Variants in HIPK3 observed in about 807,000 individuals in gnomAD.
The protein encoded by HIPK3 is homeodomain-interacting protein kinase 3.
HIPK3 carries 47 observed loss-of-function variants against 124.2 expected under a neutral mutation model. That is an observed-to-expected ratio of 0.38 (90% CI 0.30 to 0.48). The LOEUF is 0.48. Ranked by LOEUF, HIPK3 falls within the 20% of genes least tolerant of loss-of-function variation. HIPK3 has a pLI of 0.98. For synonymous variants in HIPK3, 482 were observed against 515.2 expected (o/e 0.94, Z 0.87); for missense variants, 1,286 against 1,454.3 (o/e 0.88, Z 1.88).
chr11:33,297,091 ATTTTTTT>A (rs34751907), intron 2 of HIPK3, among the ~76,000 whole-genome samples: 1 of 136,482 alleles, frequency 7.3e-6, no homozygotes, highest in African/African-American at 2.7e-5. Context: ...TATGGAAAAG[ATTTTTTT>A]TTTTTTTTTT....
chr11:33,306,693 G>A (rs966707604), intron 2 of HIPK3, among the ~76,000 whole-genome samples: 2 of 152,144 alleles, frequency 1.3e-5, no homozygotes, highest in African/African-American at 2.4e-5. Flanking sequence ...TGTTGTGAAG[G>A]TTAAACTCCA....
At chr11:33,299,494 G>A (rs760244822) in intron 2 of HIPK3, among the ~76,000 whole-genome samples, 31 of 151,718 alleles carry the variant, frequency 2.0e-4, no homozygotes, top group Non-Finnish European at 3.8e-4. Flanking sequence ...AAAAGAAAGT[G>A]GTTTCTTGAG....
At chr11:33,341,755 T>C in intron 8 of HIPK3, 69 bp downstream of exon 8, 1 of 1,385,358 alleles carries the variant, frequency 7.2e-7, no homozygotes, top group Admixed American at 2.0e-5. Flanking sequence ...TAGGAATCTG[T>C]TCATTAAATA....
At chr11:33,273,512 CAAAAAA>C (rs398015727) in intron 1 of HIPK3, among the ~76,000 whole-genome samples, 2 of 48,042 alleles carry the variant, frequency 4.2e-5, no homozygotes, top group Non-Finnish European at 6.7e-5. Context: ...TCTGTCTCCA[CAAAAAA>C]AAAAAAAAAA....
At chr11:33,344,770 A>G (rs1252286838) in intron 8 of HIPK3, among the ~76,000 whole-genome samples, 2 of 152,194 alleles carry the variant, frequency 1.3e-5, no homozygotes, top group South Asian at 2.1e-4. Context: ...CTCTGTAAGT[A>G]TGTTGTTTCT....
intron 4 of HIPK3, among the ~76,000 whole-genome samples, chr11:33,338,383 G>A (rs1414534944): frequency 6.6e-6 from 1 of 152,098 alleles, no homozygotes; most frequent in South Asian, 2.1e-4. Flanking sequence ...ACAGGCATGC[G>A]CCACCACACG....
At position 33,283,708 on chromosome 11, in the gene HIPK3, T is replaced by A. The variant is rs1275363831; in HGVS notation, c.-2-2705T>A. On this transcript the variant is annotated intron_variant, in intron 1 of 16. Coordinates refer to ENST00000303296, the MANE Select transcript of HIPK3 (RefSeq NM_005734.5). ...TTTTCTTTTGGAGACGGAGCCTCGC[T>A]CTGTTGCCCAGGCTGAAGTACAGTG... Among the ~76,000 whole-genome samples the A allele has an allele frequency of 2.0e-5, 3 of 151,566 alleles. No individual in the cohort carries two copies. The East Asian group carries it at 5.8e-4, about 29-fold the overall frequency.
chr11:33,337,052 C>G (rs776095224), intron 3 of HIPK3, 23 bp from the exon 4 acceptor site: 3 of 1,565,272 alleles, frequency 1.9e-6, no homozygotes, highest in East Asian at 4.5e-5. Flanking sequence ...ATAAACTATT[C>G]TGTTCTGTAA....
chr11:33,334,041 G>T (rs1853065602), intron 3 of HIPK3, among the ~76,000 whole-genome samples: 1 of 152,104 alleles, frequency 6.6e-6, no homozygotes, highest in South Asian at 2.1e-4. Context: ...GGGAGGTGGG[G>T]AGAAAGAACA....
chr11:33,354,732 A>G lies in HIPK3; in HGVS notation c.*1164A>G, dbSNP rs1331196843. The G allele has an allele frequency of 6.7e-6, 1 of 149,082 alleles. No homozygotes were observed. The highest frequency in any genetic ancestry group is 1.5e-5 in the Non-Finnish European group (1 of 67,336). 9.2% of individuals were successfully genotyped at this position (149,082 alleles called of 1,614,324 possible). On this transcript the variant is annotated 3_prime_UTR_variant, in exon 17 of 17. Transcript: ENST00000303296. ...TTTTTTTTAAGTATTTTTACATTGCAGTACTTGTTTTGCTTGTTGGTGATG... is the reference window on the plus strand; with the variant it reads ...TTTTTTTTAAGTATTTTTACATTGCGGTACTTGTTTTGCTTGTTGGTGATG...
intron 4 of HIPK3, among the ~76,000 whole-genome samples, chr11:33,338,165 T>G (rs1050485096): frequency 2.0e-5 from 3 of 152,246 alleles, no homozygotes; most frequent in African/African-American, 7.2e-5. Flanking sequence ...ACTTACTACA[T>G]ATCCCAAGTG....
intron 2 of HIPK3, among the ~76,000 whole-genome samples, chr11:33,319,444 C>T (rs1201510088): frequency 1.5e-4 from 22 of 149,930 alleles, no homozygotes; most frequent in Non-Finnish European, 4.4e-5. Flanking sequence ...TGCAGTGAGC[C>T]GAGATTGTGC....
At chr11:33,346,062 G>A (rs1157517327) in intron 8 of HIPK3, among the ~76,000 whole-genome samples, 1 of 152,144 alleles carries the variant, frequency 6.6e-6, no homozygotes, top group Non-Finnish European at 1.5e-5. Flanking sequence ...CTGGAATTAT[G>A]AAGTGCTGAA....
intron 1 of HIPK3, 98 bp from the exon 2 acceptor site, chr11:33,286,315 A>G (rs907994269): frequency 4.5e-5 from 49 of 1,087,778 alleles, no homozygotes; most frequent in Admixed American, 6.7e-5. Context: ...GACCCTTAAG[A>G]GTTTTCTTCC....
At chr11:33,283,480 T>G (rs1851466286) in intron 1 of HIPK3, among the ~76,000 whole-genome samples, 1 of 152,062 alleles carries the variant, frequency 6.6e-6, no homozygotes, top group African/African-American at 2.4e-5. Flanking sequence ...TCTAGTAAGG[T>G]TTTGTAGCAG....
chr11:33,329,517 A>G (rs991239540), intron 3 of HIPK3, among the ~76,000 whole-genome samples: 2 of 152,214 alleles, frequency 1.3e-5, no homozygotes, highest in African/African-American at 4.8e-5. Flanking sequence ...TCAAGAGGAA[A>G]AAGAGAGGTA....
chr11:33,281,058 CTTTTTTTTTT>C (rs56902582), intron 1 of HIPK3, among the ~76,000 whole-genome samples: 32,815 of 112,006 alleles, frequency 0.29, 5,160 homozygotes, highest in Middle Eastern at 0.45. Context: ...ACTTATTTGA[CTTTTTTTTTT>C]TTTTTTTTTT....
chr11:33,300,762 TCTCA>T (rs1480169538), intron 2 of HIPK3, among the ~76,000 whole-genome samples: 8 of 152,046 alleles, frequency 5.3e-5, no homozygotes, highest in African/African-American at 9.7e-5. Context: ...TTTTTGAGAG[TCTCA>T]CTCAGTCACC....
rs537151356 is a variant in HIPK3, at chr11:33,292,018, C to T, written c.1097+4507C>T. Among the ~76,000 whole-genome samples the T allele has an allele frequency of 7.2e-5, 11 of 152,280 alleles. No homozygotes were observed. The East Asian group carries it at 1.9e-3, about 27-fold the overall frequency. ...CTTAGATCCAGAAGTATCAAAGTTT[C>T]TGTAACAAAATTAAGCTACATAGGA... On this transcript the variant is annotated intron_variant, in intron 2 of 16. Transcript: ENST00000303296.
Sources: allele counts gnomAD v4.1 joint callset (sites outside exome capture counted in the v4.1 genomes callset), GRCh38; gene constraint gnomAD v4.1.1; transcripts MANE v1.5; gene names NCBI Gene and HGNC (gene_info 2026-07-23, HGNC 2026-07-21).